The following SPMIP8 variants were observed in gnomAD, a reference collection of about 807,000 sequenced individuals.
SPMIP8 encodes sperm microtubule inner protein 8, also known as testicular tissue protein Li 196.
At chr16:57,978,089 AG>A in the SPMIP8 span, 54 of 1,558,932 alleles carry the variant, frequency 3.5e-5, no homozygotes, top group Non-Finnish European at 4.7e-5. Context: ...AGATGGTTTC[AG>A]GAAAGAGGGA....
At chr16:57,976,929 G>T in the SPMIP8 span, among the ~76,000 whole-genome samples, 56 of 152,266 alleles carry the variant, frequency 3.7e-4, no homozygotes, top group Admixed American at 9.8e-4. Context: ...GGAGGCACTG[G>T]GTATCCAGTA....
At chr16:57,980,222 A>G in the SPMIP8 span, among the ~76,000 whole-genome samples, 440 of 152,318 alleles carry the variant, frequency 2.9e-3, 5 homozygotes, top group African/African-American at 0.01. Flanking sequence ...TAAGAGCTTT[A>G]TGTTCAAAGG....
chr16:57,977,060 G>A, the SPMIP8 span, among the ~76,000 whole-genome samples: 3 of 152,124 alleles, frequency 2.0e-5, no homozygotes, highest in South Asian at 2.1e-4. Flanking sequence ...AGAGGTATAC[G>A]GCATACTAAG....
chr16:57,985,048 C>T, the SPMIP8 span: 2 of 1,110,154 alleles, frequency 1.8e-6, no homozygotes, highest in South Asian at 3.3e-5. Context: ...GGGGGCTTTG[C>T]CCTGGTGGGG....
chr16:57,985,136 T>C, the SPMIP8 span: 9 of 1,384,930 alleles, frequency 6.5e-6, no homozygotes, highest in Non-Finnish European at 8.4e-6. Flanking sequence ...TGGGCGGGGC[T>C]TAGATGAGGA....
the SPMIP8 span, chr16:57,984,398 A>T: frequency 6.2e-6 from 10 of 1,612,616 alleles, no homozygotes; most frequent in Non-Finnish European, 8.5e-6. Flanking sequence ...TGGGTTTGCT[A>T]AGGGGCACCA....
the SPMIP8 span, chr16:57,985,183 C>T: frequency 6.7e-7 from 1 of 1,498,012 alleles, no homozygotes; most frequent in Admixed American, 2.4e-5. Context: ...GATGAGCGCT[C>T]GAGAGGGGCT....
chr16:57,984,935 T>G, the SPMIP8 span: 5 of 1,329,734 alleles, frequency 3.8e-6, no homozygotes, highest in South Asian at 7.6e-5. Context: ...GCCGCTGAGA[T>G]GAAGCTGTGG....
chr16:57,976,668 C>T, the SPMIP8 span: 1 of 1,608,422 alleles, frequency 6.2e-7, no homozygotes, highest in South Asian at 1.1e-5. Context: ...TGCTCTCTTC[C>T]CCATATCCGT....
chr16:57,984,621 C>G, the SPMIP8 span: 8 of 1,557,938 alleles, frequency 5.1e-6, no homozygotes, highest in Non-Finnish European at 6.9e-6. Context: ...GGCCTGACCC[C>G]CGTGGCCCTG....
chr16:57,985,464 C>G, the SPMIP8 span: 1 of 1,613,900 alleles, frequency 6.2e-7, no homozygotes, highest in Admixed American at 1.7e-5. Flanking sequence ...GCGCCCCTAT[C>G]CCTGCTGCCC....
the SPMIP8 span, chr16:57,987,557 T>TC: frequency 9.9e-7 from 1 of 1,014,120 alleles, no homozygotes; most frequent in Non-Finnish European, 1.4e-6. Flanking sequence ...AACCTAATGC[T>TC]CCCTTAGAGA....
chr16:57,987,202 C>T, the SPMIP8 span: 1 of 462,050 alleles, frequency 2.2e-6, no homozygotes, highest in East Asian at 3.5e-5. Context: ...GGATGAGGCA[C>T]AGTCAAAGGA....
At chr16:57,986,094 C>T in the SPMIP8 span, 1 of 932,652 alleles carries the variant, frequency 1.1e-6, no homozygotes. Context: ...AGCTGCTTCG[C>T]TCTGGAGAGA....
chr16:57,978,666 A>G, the SPMIP8 span, among the ~76,000 whole-genome samples: 1 of 152,016 alleles, frequency 6.6e-6, no homozygotes, highest in East Asian at 1.9e-4. Context: ...CCCAGGCTGG[A>G]GTGCAGTAGC....
chr16:57,977,807 C>T, the SPMIP8 span: 3 of 1,608,722 alleles, frequency 1.9e-6, no homozygotes, highest in South Asian at 1.1e-5. Flanking sequence ...GAACCCTCTG[C>T]CCCCCAGCTA....
At chr16:57,987,977 C>G in the SPMIP8 span, 2 of 152,678 alleles carry the variant, frequency 1.3e-5, no homozygotes, top group Admixed American at 1.3e-4. Flanking sequence ...GCAAGGGGAG[C>G]TGGCCAGGCC....
chr16:57,980,678 T>A, the SPMIP8 span, among the ~76,000 whole-genome samples: 1 of 152,206 alleles, frequency 6.6e-6, no homozygotes, highest in East Asian at 1.9e-4. Context: ...TTTATTTTTG[T>A]GTTTTGCTTT....
the SPMIP8 span, chr16:57,985,364 A>G: frequency 6.3e-7 from 1 of 1,588,558 alleles, no homozygotes; most frequent in East Asian, 2.2e-5. Flanking sequence ...GGAGACCCAG[A>G]GCAGGGCCTC....
Sources: allele counts gnomAD v4.1 joint callset (sites outside exome capture counted in the v4.1 genomes callset), GRCh38; gene constraint gnomAD v4.1.1; transcripts MANE v1.5; gene names NCBI Gene and HGNC (gene_info 2026-07-23, HGNC 2026-07-21).